Variants in PRR5L observed in about 807,000 individuals in gnomAD.
PRR5L encodes the protein proline rich 5 like.
In PRR5L, 21 loss-of-function variants were observed where a neutral mutation model predicts 36.4. The observed-to-expected ratio is 0.58, with a 90% CI of 0.41 to 0.83. PRR5L has a LOEUF of 0.83. Ranked by LOEUF, PRR5L falls within the 40% of genes least tolerant of loss-of-function variation. PRR5L has a pLI of 0.00. For missense variants in PRR5L, 381 were observed against 473.3 expected (o/e 0.80, Z 1.81); for synonymous variants, 188 against 197.0 (o/e 0.95, Z 0.38).
chr11:36,350,954 A>ATATATTTATATATATT (rs1323895906), intron 1 of PRR5L, among the ~76,000 whole-genome samples: 3,002 of 13,896 alleles, frequency 0.22, 707 homozygotes, highest in African/African-American at 0.32. Context: ...ATATATATTT[A>ATATATTTATATATATT]TATATATTTA....
chr11:36,449,581 C>G (rs1858901833), intron 7 of PRR5L, among the ~76,000 whole-genome samples: 1 of 152,192 alleles, frequency 6.6e-6, no homozygotes, highest in South Asian at 2.1e-4. Flanking sequence ...GGTCCTGAGA[C>G]CACCGGAATG....
intron 1 of PRR5L, among the ~76,000 whole-genome samples, chr11:36,351,784 T>A (rs994772861): frequency 9.3e-6 from 1 of 107,818 alleles, no homozygotes; most frequent in South Asian, 2.8e-4. Context: ...TATTTATATA[T>A]TTTTTTTATA....
intron 1 of PRR5L, among the ~76,000 whole-genome samples, chr11:36,388,698 C>CTTTTTTTTT (rs36056659): frequency 1.0e-4 from 11 of 109,128 alleles, no homozygotes; most frequent in Admixed American, 3.1e-4. Context: ...CTCTTTCTTT[C>CTTTTTTTTT]TTTTTTTTTT....
At chr11:36,396,443 C>T (rs117633321) in intron 1 of PRR5L, among the ~76,000 whole-genome samples, 3,170 of 152,290 alleles carry the variant, frequency 0.021, 45 homozygotes, top group Non-Finnish European at 0.033. Flanking sequence ...ATGGGGATGG[C>T]GGCTCAGAGG....
chr11:36,431,872 G>T lies in PRR5L; in HGVS notation c.314G>T (p.Gly105Val). 6.2e-7 allele frequency: 1 copy of T among 1,614,134 alleles called. No homozygotes were observed. Among genetic ancestry groups the T allele is most frequent in the Non-Finnish European group, 8.5e-7 (1 of 1,179,982 alleles). The change falls in exon 5 of 9, where the codon GGA becomes GTA. Residue 105 changes from glycine to valine, a missense_variant. Coordinates refer to ENST00000530639, the MANE Select transcript of PRR5L (RefSeq NM_001160167.2). The stretch of plus-strand genomic sequence containing the variant: ...TGGCAGAACCAGCTTCTTGCAAAAG[G>T]ACTGTTCTTTGTGGAGGAGAAGATC... ...DYFQNQLLAK[G>V]LFFVEEKIKL...
At chr11:36,383,480 A>C (rs1193650797) in intron 1 of PRR5L, among the ~76,000 whole-genome samples, 1 of 152,130 alleles carries the variant, frequency 6.6e-6, no homozygotes, top group Admixed American at 6.5e-5. Flanking sequence ...AGAAAACAAG[A>C]TGATTTTCTC....
intron 1 of PRR5L, among the ~76,000 whole-genome samples, chr11:36,397,872 C>G (rs573285650): frequency 6.6e-6 from 1 of 151,774 alleles, no homozygotes; most frequent in Non-Finnish European, 1.5e-5. Context: ...CTCGGATCAC[C>G]GCAACCTCTG....
intron 1 of PRR5L, among the ~76,000 whole-genome samples, chr11:36,351,460 TATATTTATATATAC>T (rs1202532024): frequency 1.8e-4 from 12 of 67,214 alleles, no homozygotes; most frequent in South Asian, 1.2e-3. Flanking sequence ...TATATATTTA[TATATTTATATATAC>T]ATATATATTT....
intron 1 of PRR5L, among the ~76,000 whole-genome samples, chr11:36,367,843 C>G (rs984405422): frequency 3.3e-5 from 5 of 151,490 alleles, no homozygotes; most frequent in African/African-American, 1.2e-4. Flanking sequence ...TAAGAGAGTC[C>G]AGGGTGTATG....
intron 1 of PRR5L, among the ~76,000 whole-genome samples, chr11:36,310,995 C>CAAAAAAAA (rs59947428): frequency 1.1e-5 from 1 of 88,426 alleles, no homozygotes; most frequent in Non-Finnish European, 2.0e-5. Flanking sequence ...ACTCCGTCTC[C>CAAAAAAAA]AAAAAAAAAA....
chr11:36,411,887 A>G (rs1272132186), intron 3 of PRR5L, among the ~76,000 whole-genome samples: 1 of 152,190 alleles, frequency 6.6e-6, no homozygotes, highest in African/African-American at 2.4e-5. Context: ...TTGTAGGAAG[A>G]TGCGAGAAGC....
intron 6 of PRR5L, 56 bp from the exon 7 acceptor site, chr11:36,446,244 G>A (rs368035456): frequency 1.9e-5 from 30 of 1,591,618 alleles, no homozygotes; most frequent in South Asian, 8.9e-5. Flanking sequence ...CCACATGGTC[G>A]GTGGCAGATT....
At chr11:36,334,282 A>G (rs12417212) in intron 1 of PRR5L, among the ~76,000 whole-genome samples, 15,716 of 152,230 alleles carry the variant, frequency 0.1, 1,555 homozygotes, top group African/African-American at 0.27. Context: ...ATTAGCAGGT[A>G]TTTTTGACAC....
chr11:36,366,099 C>A (rs1194436352), intron 1 of PRR5L, among the ~76,000 whole-genome samples: 1 of 152,278 alleles, frequency 6.6e-6, no homozygotes, highest in African/African-American at 2.4e-5. Flanking sequence ...ATTGGGAGGT[C>A]AAGATGACTG....
chr11:36,434,633 C>T (rs1455252826), intron 5 of PRR5L, among the ~76,000 whole-genome samples: 2 of 152,194 alleles, frequency 1.3e-5, no homozygotes, highest in African/African-American at 4.8e-5. Flanking sequence ...GTGACCTAAA[C>T]TGCTGCGTTA....
chr11:36,459,057 A>G (rs930272138), intron 8 of PRR5L, among the ~76,000 whole-genome samples: 6 of 152,014 alleles, frequency 3.9e-5, no homozygotes, highest in African/African-American at 1.4e-4. Context: ...AACAGAATCC[A>G]CCCATCCCCC....
In PRR5L at chr11:36,400,979, G is replaced by T; in HGVS notation, c.-125-18G>T. On this transcript the variant is annotated intron_variant, in intron 1 of 8. Coordinates refer to ENST00000530639, the MANE Select transcript of PRR5L (RefSeq NM_001160167.2). ...CTCAGGCCAGGAGTTCTCAATAAAA[G>T]CTTCCCTCTCTTTTCAGGTGTTGGC... 2 of 1,433,602 alleles carry T rather than the reference G, an allele frequency of 1.4e-6. No individual in the cohort carries two copies. Among genetic ancestry groups the T allele is most frequent in the Non-Finnish European group, 1.8e-6 (2 of 1,094,188 alleles). 88.8% of individuals were successfully genotyped at this position (1,433,602 alleles called of 1,614,324 possible).
At chr11:36,451,494 G>A (rs1858944353) in intron 8 of PRR5L, among the ~76,000 whole-genome samples, 159 bp downstream of exon 8, 1 of 152,210 alleles carries the variant, frequency 6.6e-6, no homozygotes, top group Non-Finnish European at 1.5e-5. Flanking sequence ...TGCATCTTAA[G>A]CACTCACATT....
At chr11:36,421,154 C>A (rs1160266689) in intron 4 of PRR5L, among the ~76,000 whole-genome samples, 1 of 152,070 alleles carries the variant, frequency 6.6e-6, no homozygotes, top group Non-Finnish European at 1.5e-5. Context: ...CCTGGAGAAA[C>A]CTGCTGGGTT....
Sources: gnomAD v4.1 joint callset for allele counts (sites outside exome capture counted in the v4.1 genomes callset) on GRCh38, gnomAD v4.1.1 for gene constraint, MANE v1.5 for transcripts, NCBI Gene and HGNC (gene_info 2026-07-23, HGNC 2026-07-21) for gene names.